SPATA6L: variants seen among roughly 807,000 people sequenced by gnomAD.
SPATA6L encodes spermatogenesis associated 6 like.
SPATA6L carries 68 observed loss-of-function variants against 49.2 expected under a neutral mutation model. That is an observed-to-expected ratio of 1.38 (90% CI 1.14 to 1.69). The LOEUF (loss-of-function observed/expected upper bound fraction) is 1.69, where lower values mean the gene tolerates loss of function less well. Ranked by LOEUF, SPATA6L falls within the 40% of genes most tolerant of loss-of-function variation. SPATA6L has a pLI of 0.00. For missense variants in SPATA6L, 668 were observed against 464.3 expected (o/e 1.44, Z -4.03); for synonymous variants, 198 against 165.7 (o/e 1.19, Z -1.50).
At position 4,662,796 on chromosome 9, in the gene SPATA6L, G is replaced by C. The variant is rs1490776864; in HGVS notation, c.40-760C>G. 2.5e-6 allele frequency: 4 copies of C among 1,605,138 alleles called. No homozygotes were observed. The highest frequency in any genetic ancestry group is 2.5e-6 in the Non-Finnish European group (3 of 1,179,948). On this transcript the variant is annotated intron_variant, in intron 1 of 11. Transcript: ENST00000682582. This position sits in a 1 kb window ranked among gnomAD's most constrained non-coding sequence, Gnocchi z 4.9. ...CCTTATGAAGCTGCTGGAGATCTCG[G>C]GACACGGCATCCCCTGGCTGCTGGG... is the stretch of plus-strand genomic sequence containing the variant.
intron 3 of SPATA6L, among the ~76,000 whole-genome samples, chr9:4,635,797 G>A (rs1015231382): frequency 6.6e-6 from 1 of 152,198 alleles, no homozygotes; most frequent in African/African-American, 2.4e-5. Context: ...GGGGTTCAAT[G>A]TGTTCTGTGA....
rs1296410416 is a variant in SPATA6L at position 4,608,713 on chromosome 9, C to T, written c.996-3273G>A. 1.1e-4 allele frequency among the ~76,000 whole-genome samples: 17 copies of T among 151,066 alleles called. No individual in the cohort carries two copies. The East Asian group carries it at 3.3e-3, about 29-fold the overall frequency. On this transcript the variant is annotated intron_variant, in intron 9 of 11. Coordinates refer to ENST00000682582, the MANE Select transcript of SPATA6L (RefSeq NM_001353486.2). ...AAGCAGGAAAGATCCAAAATTGACA[C>T]TCTAACATCACAATTAAAAGAACTA... is the stretch of plus-strand genomic sequence containing the variant.
intron 3 of SPATA6L, among the ~76,000 whole-genome samples, chr9:4,651,786 A>C (rs1481940247): frequency 6.6e-6 from 1 of 152,236 alleles, no homozygotes; most frequent in Non-Finnish European, 1.5e-5. Flanking sequence ...ACTAGGAATA[A>C]AGAGGAACTT....
chr9:4,662,523 G>A lies in SPATA6L; in HGVS notation c.40-487C>T, dbSNP rs762324944. On this transcript the variant is annotated intron_variant, in intron 1 of 11. Coordinates refer to ENST00000682582, the MANE Select transcript of SPATA6L (RefSeq NM_001353486.2). The surrounding 1 kb of genome is among the most constrained non-coding windows in gnomAD (Gnocchi z 4.9). ...GTCCCTGCTCAGCAGCCGCGCCACG[G>A]CCGTGGACCCCACCTGCGCCCGGCT... 8 of 1,563,752 alleles carry A rather than the reference G, an allele frequency of 5.1e-6. No individual in the cohort carries two copies. Among genetic ancestry groups the A allele is most frequent in the East Asian group, 4.6e-5 (2 of 43,888 alleles).
intron 1 of SPATA6L, chr9:4,663,050 C>G: frequency 6.2e-7 from 1 of 1,613,946 alleles, no homozygotes; most frequent in Non-Finnish European, 8.5e-7. Context: ...CGAGGTTCAT[C>G]CTGAACCACC....
At chr9:4,610,462 G>A (rs1826425691) in intron 9 of SPATA6L, among the ~76,000 whole-genome samples, 1 of 137,224 alleles carries the variant, frequency 7.3e-6, no homozygotes, top group East Asian at 2.1e-4. Flanking sequence ...TAGATCAATG[G>A]AACAGAACAG....
At chr9:4,628,092 C>T (rs951866614) in intron 5 of SPATA6L, 3 of 298,444 alleles carry the variant, frequency 1.0e-5, no homozygotes, top group African/African-American at 7.0e-5. Context: ...ATGATGGTTA[C>T]CAGAGGCTGG....
chr9:4,646,459 T>C, intron 3 of SPATA6L: 3 of 1,479,408 alleles, frequency 2.0e-6, no homozygotes, highest in Non-Finnish European at 2.7e-6. Context: ...ATTAAGCTAA[T>C]TTAGAAACGG....
chr9:4,666,211 C>T lies in SPATA6L; in HGVS notation c.39+1G>A, dbSNP rs180986272. On this transcript the variant is annotated splice_donor_variant, in intron 1 of 11. Coordinates refer to ENST00000682582, the MANE Select transcript of SPATA6L (RefSeq NM_001353486.2). LOFTEE classifies it high-confidence loss of function. The stretch of plus-strand genomic sequence containing the variant: ...GGAGGGGGAGTTCATCGATCTCTTA[C>T]CGCCCGGATCTGCAGCTCCACCACC... The T allele has an allele frequency of 1.2e-5, 19 of 1,614,100 alleles. No individual in the cohort carries two copies. In the African/African-American group the frequency reaches 2.3e-4, roughly 19 times the overall value.
At chr9:4,626,571 G>A in intron 5 of SPATA6L, 1 of 1,299,896 alleles carries the variant, frequency 7.7e-7, no homozygotes, top group Non-Finnish European at 1.0e-6. Context: ...GGTGGAAGCT[G>A]CTTCCTGCAG....
intron 4 of SPATA6L, among the ~76,000 whole-genome samples, chr9:4,630,045 C>T (rs576609873): frequency 2.0e-5 from 3 of 151,776 alleles, no homozygotes; most frequent in Admixed American, 6.6e-5. Flanking sequence ...GTAAGAAAAG[C>T]CAGTCTCAAA....
intron 2 of SPATA6L, among the ~76,000 whole-genome samples, chr9:4,661,351 T>C (rs574027434): frequency 1.3e-5 from 2 of 152,310 alleles, no homozygotes; most frequent in African/African-American, 2.4e-5. Flanking sequence ...AGAAGGCTGG[T>C]AATGTTTTGA....
chr9:4,625,697 A>T, intron 5 of SPATA6L, 131 bp from the exon 6 acceptor site: 1 of 571,192 alleles, frequency 1.8e-6, no homozygotes, highest in Non-Finnish European at 2.7e-6. Flanking sequence ...GATTTATAAA[A>T]CATAAACTTA....
chr9:4,649,667 A>G (rs1245101882), intron 3 of SPATA6L, among the ~76,000 whole-genome samples: 1 of 152,232 alleles, frequency 6.6e-6, no homozygotes, highest in Non-Finnish European at 1.5e-5. Flanking sequence ...CGAGTTAATT[A>G]GGATGCTTGA....
intron 3 of SPATA6L, among the ~76,000 whole-genome samples, chr9:4,638,376 C>T (rs1017540606): frequency 6.6e-5 from 10 of 152,220 alleles, no homozygotes; most frequent in African/African-American, 2.2e-4. Flanking sequence ...CCAAGCCTGG[C>T]TAATTTTTGT....
Position 4,614,853 on chromosome 9 carries a change from C to T in SPATA6L, c.995+3070G>A, listed in dbSNP as rs16921612. On this transcript the variant is annotated intron_variant, in intron 9 of 11. Coordinates refer to ENST00000682582, the MANE Select transcript of SPATA6L (RefSeq NM_001353486.2). Reference sequence around the variant, plus strand: ...ACTTTGGGCACAAAGAATTTGCTGCCTCATCAGAGATGGCCAATAAAACTC... The same window carrying T: ...ACTTTGGGCACAAAGAATTTGCTGCTTCATCAGAGATGGCCAATAAAACTC... 7.6e-3 allele frequency among the ~76,000 whole-genome samples: 1,160 copies of T among 152,288 alleles called. 25 individuals carry two copies. Among genetic ancestry groups the T allele is most frequent in the African/African-American group, 0.026 (1,100 of 41,542 alleles).
chr9:4,601,313 G>A (rs1564100544), intron 11 of SPATA6L, among the ~76,000 whole-genome samples: 1 of 151,242 alleles, frequency 6.6e-6, no homozygotes, highest in Non-Finnish European at 1.5e-5. Context: ...GGATTTCACG[G>A]CAATTATGCC....
In SPATA6L at chr9:4,662,363, G is replaced by T. The variant is rs773475238; in HGVS notation, c.40-327C>A. The T allele has an allele frequency of 9.4e-6, 14 of 1,494,734 alleles. No homozygotes were observed. The highest frequency in any genetic ancestry group is 1.2e-5 in the Non-Finnish European group (13 of 1,129,896). 92.6% of individuals were successfully genotyped at this position (1,494,734 alleles called of 1,614,324 possible). On this transcript the variant is annotated intron_variant, in intron 1 of 11. Coordinates refer to ENST00000682582, the MANE Select transcript of SPATA6L (RefSeq NM_001353486.2). This position sits in a 1 kb window ranked among gnomAD's most constrained non-coding sequence, Gnocchi z 4.9. ...GGTCCGGCCAGGTCCCGGGATCCGG[G>T]CCGCCAGCTGCGATGCCAAGTCCCC...
chr9:4,594,020 C>T (rs901790222), downstream of SPATA6L, among the ~76,000 whole-genome samples: 11 of 152,154 alleles, frequency 7.2e-5, no homozygotes, highest in Admixed American at 7.2e-4. Context: ...AATGTGTATC[C>T]ACAAAGTCTA....
Sources: allele counts gnomAD v4.1 joint callset (sites outside exome capture counted in the v4.1 genomes callset), GRCh38; gene constraint gnomAD v4.1.1; non-coding constraint Gnocchi (gnomAD v3.1); transcripts MANE v1.5; gene names NCBI Gene and HGNC (gene_info 2026-07-23, HGNC 2026-07-21).